The following PTPRT variants were observed in gnomAD, a reference collection of about 807,000 sequenced individuals.
PTPRT encodes receptor-type tyrosine-protein phosphatase T.
A neutral mutation model predicts 176.8 loss-of-function variants in PTPRT; 56 were observed. The observed-to-expected ratio is 0.32, with a 90% CI of 0.26 to 0.40. The LOEUF (loss-of-function observed/expected upper bound fraction) is 0.40, where lower values mean the gene tolerates loss of function less well. Ranked by LOEUF, PTPRT falls within the 10% of genes least tolerant of loss-of-function variation. PTPRT has a pLI of 1.00. For synonymous variants in PTPRT, 783 were observed against 739.0 expected (o/e 1.06, Z -0.96); for missense variants, 1,540 against 1,908.2 (o/e 0.81, Z 3.60).
intron 14 of PTPRT, among the ~76,000 whole-genome samples, chr20:42,243,895 A>C (rs2056402680): frequency 6.6e-6 from 1 of 152,248 alleles, no homozygotes; most frequent in South Asian, 2.1e-4. Flanking sequence ...GCTGCAGTTT[A>C]AATGAAAAAT....
chr20:42,445,408 A>C (rs2059353641), intron 9 of PTPRT, among the ~76,000 whole-genome samples: 1 of 152,176 alleles, frequency 6.6e-6, no homozygotes. Context: ...AGGCCACTTG[A>C]TGTACTCAAG....
intron 9 of PTPRT, among the ~76,000 whole-genome samples, chr20:42,395,674 T>C (rs752663424): frequency 6.6e-6 from 1 of 152,178 alleles, no homozygotes; most frequent in Non-Finnish European, 1.5e-5. Flanking sequence ...TAATGTTAAC[T>C]CACCAATGAC....
chr20:42,746,722 T>C (rs2076695987), intron 6 of PTPRT, among the ~76,000 whole-genome samples: 1 of 152,084 alleles, frequency 6.6e-6, no homozygotes, highest in Non-Finnish European at 1.5e-5. Context: ...CTACAAAGAA[T>C]GAAACTCACG....
chr20:42,593,864 G>A (rs188478465), intron 7 of PTPRT, among the ~76,000 whole-genome samples: 1 of 152,282 alleles, frequency 6.6e-6, no homozygotes, highest in East Asian at 1.9e-4. Flanking sequence ...TGTTAAGTAG[G>A]AGAAAATATT....
intron 7 of PTPRT, among the ~76,000 whole-genome samples, chr20:42,608,649 G>C (rs2073923606): frequency 6.6e-6 from 1 of 152,172 alleles, no homozygotes. Context: ...TGAAGGAATT[G>C]ATTTCCAACT....
At chr20:43,008,522 C>A (rs1477418257) in intron 1 of PTPRT, among the ~76,000 whole-genome samples, 2 of 151,972 alleles carry the variant, frequency 1.3e-5, no homozygotes, top group African/African-American at 4.8e-5. Context: ...AAAACCCCAT[C>A]TCTACTAAAA....
chr20:42,267,610 T>C (rs2056861060), intron 13 of PTPRT, among the ~76,000 whole-genome samples: 1 of 152,202 alleles, frequency 6.6e-6, no homozygotes. Flanking sequence ...ATGTACTTGG[T>C]TGTTACAATT....
intron 9 of PTPRT, among the ~76,000 whole-genome samples, chr20:42,421,599 G>C (rs1204274563): frequency 6.6e-6 from 1 of 151,932 alleles, no homozygotes; most frequent in Non-Finnish European, 1.5e-5. Context: ...TGGATAAGAC[G>C]AGTCAATATC....
At chr20:42,741,506 G>A (rs1026336270) in intron 6 of PTPRT, among the ~76,000 whole-genome samples, 4 of 152,052 alleles carry the variant, frequency 2.6e-5, no homozygotes, top group Admixed American at 6.6e-5. Context: ...CACCACACCC[G>A]GCTAATTTCT....
intron 1 of PTPRT, among the ~76,000 whole-genome samples, chr20:42,898,445 T>C (rs1037370657): frequency 2.0e-5 from 3 of 152,164 alleles, no homozygotes; most frequent in South Asian, 2.1e-4. Flanking sequence ...TGGCCCTAAG[T>C]GATCCTCCCT....
chr20:42,589,014 C>T lies in PTPRT; in HGVS notation c.1153+88852G>A, dbSNP rs2073522134. Among the ~76,000 whole-genome samples the T allele has an allele frequency of 2.0e-5, 3 of 152,146 alleles. No individual in the cohort carries two copies. The South Asian group carries it at 6.2e-4, about 32-fold the overall frequency. On this transcript the variant is annotated intron_variant, in intron 7 of 30. Coordinates refer to ENST00000373187, the MANE Select transcript of PTPRT (RefSeq NM_007050.6). ...CAACACCTGGATCCAGAACCTATGT[C>T]CTAGAGGAAATGACACATTCATTAA... is the stretch of plus-strand genomic sequence containing the variant.
intron 15 of PTPRT, among the ~76,000 whole-genome samples, chr20:42,221,039 T>C (rs987798187): frequency 9.2e-5 from 14 of 152,174 alleles, no homozygotes; most frequent in African/African-American, 2.4e-4. Flanking sequence ...TCACTCTGTC[T>C]CCCAGGCTAT....
chr20:42,460,680 T>G (rs1476539989), intron 8 of PTPRT, among the ~76,000 whole-genome samples: 1 of 152,222 alleles, frequency 6.6e-6, no homozygotes, highest in Non-Finnish European at 1.5e-5. Context: ...TCAGGAGATC[T>G]GATGTTATTA....
intron 1 of PTPRT, among the ~76,000 whole-genome samples, chr20:43,088,448 C>T (rs2011694963): frequency 6.6e-6 from 1 of 151,420 alleles, no homozygotes; most frequent in Admixed American, 6.6e-5. Context: ...ACTCCTGCAC[C>T]TCCTCATTGT....
intron 7 of PTPRT, among the ~76,000 whole-genome samples, chr20:42,657,480 C>T (rs560440614): frequency 5.3e-5 from 8 of 152,272 alleles, no homozygotes; most frequent in African/African-American, 1.9e-4. Context: ...ACAACCCAAC[C>T]TTATGGTGGT....
the PTPRT span, among the ~76,000 whole-genome samples, chr20:42,033,032 G>A: frequency 2.0e-5 from 3 of 152,140 alleles, no homozygotes; most frequent in East Asian, 1.9e-4. Context: ...TAGGTTGCTC[G>A]CAGATCCCTG....
At chr20:42,066,023 G>C in the PTPRT span, among the ~76,000 whole-genome samples, 1 of 148,442 alleles carries the variant, frequency 6.7e-6, no homozygotes, top group African/African-American at 2.5e-5. Context: ...AGGCTACTTG[G>C]ACTTAGTATA....
At chr20:42,710,653 G>A (rs557909588) in intron 6 of PTPRT, among the ~76,000 whole-genome samples, 33 of 152,394 alleles carry the variant, frequency 2.2e-4, no homozygotes, top group Middle Eastern at 3.4e-3. Flanking sequence ...CTCTACTAGA[G>A]CAGTGCCATG....
At chr20:42,879,910 G>T (rs2078990456) in intron 2 of PTPRT, among the ~76,000 whole-genome samples, 1 of 152,146 alleles carries the variant, frequency 6.6e-6, no homozygotes, top group Admixed American at 6.5e-5. Context: ...TGAAATCAAG[G>T]CTTCCTTCCT....
Sources: allele counts gnomAD v4.1 joint callset (sites outside exome capture counted in the v4.1 genomes callset), GRCh38; gene constraint gnomAD v4.1.1; transcripts MANE v1.5; gene names NCBI Gene and HGNC (gene_info 2026-07-23, HGNC 2026-07-21).